The following NSUN6 variants were observed in gnomAD, a reference collection of about 807,000 sequenced individuals.
NSUN6 encodes NOP2/Sun RNA methyltransferase 6.
A neutral mutation model predicts 58.0 loss-of-function variants in NSUN6; 64 were observed. The observed-to-expected ratio is 1.10, with a 90% CI of 0.90 to 1.36. The LOEUF is 1.36. Ranked by LOEUF, NSUN6 falls within the 40% of genes most tolerant of loss-of-function variation. The pLI, the probability that NSUN6 is intolerant of heterozygous loss-of-function variation, is 0.00. For missense variants in NSUN6, 701 were observed against 550.1 expected, an observed-to-expected ratio of 1.27 and a Z score of -2.74; for synonymous variants, 231 against 193.9, an observed-to-expected ratio of 1.19 and a Z score of -1.59.
intron 8 of NSUN6, among the ~76,000 whole-genome samples, chr10:18,555,228 T>C (rs184125846): frequency 1.5e-4 from 20 of 133,214 alleles, no homozygotes; most frequent in African/African-American, 5.8e-4. Flanking sequence ...GAGGATGAAA[T>C]GGAATAGAGT....
At chr10:18,646,777 G>A (rs960997216) in intron 2 of NSUN6, among the ~76,000 whole-genome samples, 3 of 152,216 alleles carry the variant, frequency 2.0e-5, no homozygotes, top group Admixed American at 6.5e-5. Context: ...GTTGCAGTGA[G>A]CCAAGATCGT....
chr10:18,653,265 GAA>G, upstream of NSUN6: 2 of 983,342 alleles, frequency 2.0e-6, no homozygotes, highest in Non-Finnish European at 2.4e-6. Flanking sequence ...ATGACTAAAT[GAA>G]AAGATGGATG....
At chr10:18,610,899 G>C (rs1235408636) in intron 5 of NSUN6, among the ~76,000 whole-genome samples, 1 of 152,134 alleles carries the variant, frequency 6.6e-6, no homozygotes, top group East Asian at 1.9e-4. Context: ...CTCATTAAAA[G>C]GGAAGTATAA....
chr10:18,610,927 G>A (rs576611666), intron 5 of NSUN6, among the ~76,000 whole-genome samples: 4 of 152,212 alleles, frequency 2.6e-5, no homozygotes, highest in East Asian at 3.9e-4. Flanking sequence ...GATTTAAGCC[G>A]GCACAGTGGC....
chr10:18,565,139 C>T (rs748675595), intron 8 of NSUN6, among the ~76,000 whole-genome samples: 1 of 151,064 alleles, frequency 6.6e-6, no homozygotes, highest in Non-Finnish European at 1.5e-5. Flanking sequence ...TTCCATTCTC[C>T]ATTGCATACC....
chr10:18,622,615 C>A (rs558891963), intron 3 of NSUN6, among the ~76,000 whole-genome samples: 4 of 152,252 alleles, frequency 2.6e-5, no homozygotes, highest in African/African-American at 9.6e-5. Context: ...GAGGCTGAGG[C>A]AGGATAATCG....
chr10:18,628,127 A>AC (rs779941261), intron 3 of NSUN6, among the ~76,000 whole-genome samples: 3 of 152,088 alleles, frequency 2.0e-5, no homozygotes, highest in Non-Finnish European at 4.4e-5. Flanking sequence ...ACTGGGAGGC[A>AC]CCCCCAAGCA....
intron 3 of NSUN6, among the ~76,000 whole-genome samples, chr10:18,617,185 GTT>G (rs35698731): frequency 4.1e-4 from 52 of 127,586 alleles, no homozygotes; most frequent in African/African-American, 5.8e-4. Flanking sequence ...AGCCTTTCTA[GTT>G]TTTTTTTTTT....
At chr10:18,613,906 A>T (rs964135461) in intron 5 of NSUN6, among the ~76,000 whole-genome samples, 1 of 152,172 alleles carries the variant, frequency 6.6e-6, no homozygotes, top group Non-Finnish European at 1.5e-5. Flanking sequence ...TAAGTAAAAT[A>T]AGAGCCTGGA....
chr10:18,578,179 C>T (rs1207255028), intron 8 of NSUN6, among the ~76,000 whole-genome samples: 1 of 151,512 alleles, frequency 6.6e-6, no homozygotes, highest in Non-Finnish European at 1.5e-5. Context: ...AGCAGCTAGG[C>T]AGGACCTTTG....
chr10:18,618,547 T>A (rs1370881397), intron 3 of NSUN6, among the ~76,000 whole-genome samples: 3 of 151,892 alleles, frequency 2.0e-5, no homozygotes, highest in African/African-American at 4.8e-5. Context: ...CCAGGCATGG[T>A]GGCGCATGCC....
In NSUN6 at chr10:18,591,906, T is replaced by C. The variant is rs558693899; in HGVS notation, c.777+4302A>G. ...GAGAAAGAAATAAAGAGTATTCAAA[T>C]AGGAAGAGAGGAAGTCAAGTTGTCT... On this transcript the variant is annotated intron_variant, in intron 7 of 10. Coordinates refer to ENST00000377304, the MANE Select transcript of NSUN6 (RefSeq NM_182543.5). Among the ~76,000 whole-genome samples, 6 of 152,152 alleles carry C rather than the reference T, an allele frequency of 3.9e-5. No homozygotes were observed. The East Asian group carries it at 9.7e-4, about 25-fold the overall frequency.
intron 8 of NSUN6, among the ~76,000 whole-genome samples, chr10:18,574,755 T>A (rs1002332064): frequency 2.0e-5 from 3 of 151,978 alleles, no homozygotes; most frequent in Admixed American, 6.6e-5. Flanking sequence ...TTTGGGAAAA[T>A]TCGGAGTGAA....
chr10:18,655,195 C>T (rs2059764195), upstream of NSUN6: 2 of 967,968 alleles, frequency 2.1e-6, no homozygotes, highest in African/African-American at 1.8e-5. Flanking sequence ...GAACAAACAA[C>T]ATAGATTCTT....
intron 3 of NSUN6, among the ~76,000 whole-genome samples, chr10:18,622,990 T>C (rs2058666002): frequency 6.6e-6 from 1 of 152,204 alleles, no homozygotes; most frequent in South Asian, 2.1e-4. Context: ...AGAGATGTTT[T>C]AAAGGCTCTT....
intron 2 of NSUN6, among the ~76,000 whole-genome samples, chr10:18,643,186 A>G (rs748188133): frequency 3.3e-5 from 5 of 151,678 alleles, no homozygotes; most frequent in African/African-American, 1.2e-4. Flanking sequence ...AGAAATCAAC[A>G]AACACCACAA....
chr10:18,626,765 C>G (rs540533666), intron 3 of NSUN6, among the ~76,000 whole-genome samples: 1 of 146,092 alleles, frequency 6.8e-6, no homozygotes, highest in African/African-American at 2.5e-5. Flanking sequence ...AAGACTCCGT[C>G]CTGGGTGGGG....
At chr10:18,582,069 C>T (rs1485991242) in intron 8 of NSUN6, among the ~76,000 whole-genome samples, 1 of 152,022 alleles carries the variant, frequency 6.6e-6, no homozygotes, top group African/African-American at 2.4e-5. Flanking sequence ...GCCGAAAGTC[C>T]CTAGGAGGTC....
intron 3 of NSUN6, among the ~76,000 whole-genome samples, chr10:18,626,363 G>T (rs953696636): frequency 2.6e-5 from 4 of 151,868 alleles, no homozygotes; most frequent in Admixed American, 2.6e-4. Flanking sequence ...AACACGGCGA[G>T]ACCCCATCTC....
Sources: gnomAD v4.1 joint callset for allele counts (sites outside exome capture counted in the v4.1 genomes callset) on GRCh38, gnomAD v4.1.1 for gene constraint, MANE v1.5 for transcripts, NCBI Gene and HGNC (gene_info 2026-07-23, HGNC 2026-07-21) for gene names.